Variants in TLL1 observed in about 807,000 individuals in gnomAD.
The protein encoded by TLL1 is tolloid-like protein 1.
A neutral mutation model predicts 128.2 loss-of-function variants in TLL1; 49 were observed. The observed-to-expected ratio is 0.38, with a 90% CI of 0.30 to 0.48. The LOEUF (loss-of-function observed/expected upper bound fraction) is 0.48, where lower values mean the gene tolerates loss of function less well. TLL1 is among the 20% of genes least tolerant of loss of function. The probability of loss-of-function intolerance (pLI) is 0.96; values close to 1 mark genes in which losing one functional copy is unlikely to be tolerated. For synonymous variants in TLL1, 454 were observed against 418.8 expected, an observed-to-expected ratio of 1.08 and a Z score of -1.03; for missense variants, 1,123 against 1,242.0, an observed-to-expected ratio of 0.90 and a Z score of 1.44.
At chr4:166,077,869 G>T in intron 17 of TLL1, 34 bp from the exon 18 acceptor site, 1 of 1,611,982 alleles carries the variant, frequency 6.2e-7, no homozygotes. Context: ...GGGCTGGATT[G>T]CCACACTGTC....
intron 1 of TLL1, among the ~76,000 whole-genome samples, chr4:165,894,842 A>AGTGTGTGTGTGT (rs34248657): frequency 7.0e-5 from 10 of 142,020 alleles, no homozygotes; most frequent in African/African-American, 2.6e-4. Flanking sequence ...TCAAATGATG[A>AGTGTGTGTGTGT]GTGTGTGTGT....
chr4:165,933,446 A>C (rs1410713916), intron 1 of TLL1, among the ~76,000 whole-genome samples: 2 of 152,156 alleles, frequency 1.3e-5, no homozygotes, highest in Non-Finnish European at 2.9e-5. Flanking sequence ...CAGACTGCAC[A>C]GACCGTCATC....
intron 1 of TLL1, among the ~76,000 whole-genome samples, chr4:165,913,264 C>A (rs1424929431): frequency 2.0e-5 from 3 of 152,136 alleles, no homozygotes; most frequent in Admixed American, 2.0e-4. Context: ...TTCTAAGAAT[C>A]TCAATAGGTT....
At chr4:165,965,169 A>G (rs1735308385) in intron 1 of TLL1, among the ~76,000 whole-genome samples, 2 of 152,152 alleles carry the variant, frequency 1.3e-5, no homozygotes, top group African/African-American at 4.8e-5. Flanking sequence ...TAAATTCTAA[A>G]TATAGGTATA....
chr4:166,003,332 A>G, intron 5 of TLL1, 59 bp from the exon 6 acceptor site: 1 of 1,577,986 alleles, frequency 6.3e-7, no homozygotes, highest in South Asian at 1.1e-5. Context: ...AATTCACCAT[A>G]TTGTCAGTTG....
Position 165,925,243 on chromosome 4 carries a change from AAGT to A in TLL1, c.169+51172_169+51174del, listed in dbSNP as rs574411741. Among the ~76,000 whole-genome samples, 16 of 152,314 alleles carry A rather than the reference AAGT, an allele frequency of 1.1e-4. No individual in the cohort carries two copies. In the South Asian group the frequency reaches 3.3e-3, roughly 32 times the overall value. Reference sequence around the variant, plus strand: ...CCTCTGATGGATTTGGGTCTGAGCAAAGTAAATCGTAAACCTTCTGAAAAGAAT... The same window carrying A: ...CCTCTGATGGATTTGGGTCTGAGCAAAAATCGTAAACCTTCTGAAAAGAAT... On this transcript the variant is annotated intron_variant, in intron 1 of 20. Coordinates refer to ENST00000061240, the MANE Select transcript of TLL1 (RefSeq NM_012464.5).
chr4:166,059,999 A>C, intron 14 of TLL1, 29 bp from the exon 15 acceptor site: 5 of 1,612,504 alleles, frequency 3.1e-6, no homozygotes, highest in Non-Finnish European at 4.2e-6. Flanking sequence ...CATGGGGAGA[A>C]TATACCTTTT....
At position 165,919,554 on chromosome 4, in the gene TLL1, TC is replaced by T. The variant is rs1251208630; in HGVS notation, c.169+45483del. Among the ~76,000 whole-genome samples the T allele has an allele frequency of 2.0e-5, 3 of 152,216 alleles. No individual in the cohort carries two copies. The East Asian group carries it at 5.8e-4, about 29-fold the overall frequency. On this transcript the variant is annotated intron_variant, in intron 1 of 20. Transcript: ENST00000061240. ...TATAATTAACTGACTTTCTGTGTAT[TC>T]CATAATTATTTGGAATATGGAGTTG...
chr4:165,976,989 A>G (rs1413657234), intron 1 of TLL1, among the ~76,000 whole-genome samples: 2 of 152,198 alleles, frequency 1.3e-5, no homozygotes, highest in African/African-American at 2.4e-5. Context: ...CAGTTCTTCC[A>G]GTGTGGCCCA....
chr4:166,014,536 G>T lies in TLL1; in HGVS notation c.1018G>T (p.Ala340Ser). Reference protein sequence around the residue: ...TRLSKGDIAQARKLYRCPACG... With the variant: ...TRLSKGDIAQSRKLYRCPACG... ...TCTAAGCAAAGGAGATATCGCACAG[G>T]CAAGAAAGCTGTATAGATGTCCAGG... Residue 340 changes from alanine to serine, a missense_variant, in exon 8 of 21, where the codon GCA becomes TCA. Physicochemically the swap from Ala to Ser is moderately conservative, Grantham distance 99. This residue lies in a region of TLL1 where 480 missense variants were observed against 542.4 expected (regional missense o/e 0.89). Coordinates refer to ENST00000061240, the MANE Select transcript of TLL1 (RefSeq NM_012464.5). 2 of 1,612,086 alleles carry T rather than the reference G, an allele frequency of 1.2e-6. No homozygotes were observed. Among genetic ancestry groups the T allele is most frequent in the Non-Finnish European group, 1.7e-6 (2 of 1,178,588 alleles).
chr4:165,954,835 G>T (rs1433161831), intron 1 of TLL1, among the ~76,000 whole-genome samples: 2 of 152,024 alleles, frequency 1.3e-5, no homozygotes, highest in Non-Finnish European at 2.9e-5. Flanking sequence ...AAAGATAAAG[G>T]AACATCAGCC....
intron 16 of TLL1, among the ~76,000 whole-genome samples, chr4:166,067,209 A>G (rs542836341): frequency 6.6e-6 from 1 of 151,922 alleles, no homozygotes; most frequent in Non-Finnish European, 1.5e-5. Context: ...GAAAGTGTTC[A>G]GGATCCTTTT....
chr4:165,998,400 A>G (rs943445171), intron 5 of TLL1, among the ~76,000 whole-genome samples: 3 of 152,150 alleles, frequency 2.0e-5, no homozygotes, highest in Non-Finnish European at 2.9e-5. Flanking sequence ...AAAAAAGTAA[A>G]TAAACAAAAA....
intron 9 of TLL1, among the ~76,000 whole-genome samples, chr4:166,029,641 A>G (rs1738666123): frequency 6.6e-6 from 1 of 152,016 alleles, no homozygotes; most frequent in Non-Finnish European, 1.5e-5. Flanking sequence ...CTGCAACCCT[A>G]TACTCATTAA....
chr4:166,063,965 G>T (rs117835124), intron 15 of TLL1, among the ~76,000 whole-genome samples: 17 of 151,504 alleles, frequency 1.1e-4, no homozygotes, highest in Non-Finnish European at 1.9e-4. Context: ...TTCACGTTGT[G>T]CACATGTACC....
chr4:165,904,372 T>C (rs894020045), intron 1 of TLL1, among the ~76,000 whole-genome samples: 21 of 152,342 alleles, frequency 1.4e-4, no homozygotes, highest in African/African-American at 3.8e-4. Flanking sequence ...GTTTGACTAG[T>C]TCAGTCTTGG....
At position 166,103,863 on chromosome 4, in the gene TLL1, T is replaced by C. The variant is rs1742398371; in HGVS notation, c.*2987T>C. On this transcript the variant is annotated 3_prime_UTR_variant, in exon 21 of 21. Transcript: ENST00000061240. ...ATAGAAAAAAAAAAAAACACTGTTC[T>C]CACTTGATTTTATTAAATTATTTTT... 1 of 151,546 alleles carries C rather than the reference T, an allele frequency of 6.6e-6. No individual in the cohort carries two copies. The highest frequency in any genetic ancestry group is 2.1e-4 in the South Asian group (1 of 4,820). 9.4% of individuals were successfully genotyped at this position (151,546 alleles called of 1,614,324 possible).
intron 1 of TLL1, among the ~76,000 whole-genome samples, chr4:165,957,457 CAAAG>C (rs1395649165): frequency 7.7e-6 from 1 of 130,310 alleles, no homozygotes; most frequent in Non-Finnish European, 1.7e-5. Context: ...AGAATATCAA[CAAAG>C]AAATTCTGGA....
Position 166,103,187 on chromosome 4 carries a change from G to C in TLL1, c.*2311G>C, listed in dbSNP as rs1742367642. ...CTCTGCTTGTTCTACAAAGGTAGTA[G>C]AATCAATCTCGACCTATATAAATAG... On this transcript the variant is annotated 3_prime_UTR_variant, in exon 21 of 21. Coordinates refer to ENST00000061240, the MANE Select transcript of TLL1 (RefSeq NM_012464.5). 6.6e-6 allele frequency: 1 copy of C among 151,822 alleles called. No individual in the cohort carries two copies. The highest frequency in any genetic ancestry group is 2.4e-5 in the African/African-American group (1 of 41,382). 9.4% of individuals were successfully genotyped at this position (151,822 alleles called of 1,614,324 possible).
Sources: gnomAD v4.1 joint callset for allele counts (sites outside exome capture counted in the v4.1 genomes callset) on GRCh38, gnomAD v4.1.1 for gene constraint, gnomAD v4.1.1 regional missense constraint, MANE v1.5 for transcripts, NCBI Gene and HGNC (gene_info 2026-07-23, HGNC 2026-07-21) for gene names.